Variants in TTC17 observed in about 807,000 individuals in gnomAD.
The protein encoded by TTC17 is tetratricopeptide repeat protein 17.
Under a neutral mutation model 143.8 loss-of-function variants are expected in TTC17, and 58 were observed. The observed-to-expected ratio is 0.40, with a 90% CI of 0.33 to 0.50. TTC17 has a LOEUF of 0.50. Among genes scored for constraint, TTC17 ranks in the 20% least tolerant of loss-of-function variants. The pLI, the probability that TTC17 is intolerant of heterozygous loss-of-function variation, is 0.49. For missense variants in TTC17, 1,273 were observed against 1,392.5 expected (o/e 0.91, Z 1.37); for synonymous variants, 501 against 497.8 (o/e 1.01, Z -0.09).
At chr11:43,490,573 G>A (rs558466614) in intron 22 of TTC17, 2 of 534,046 alleles carry the variant, frequency 3.7e-6, no homozygotes, top group East Asian at 3.7e-5. Flanking sequence ...TTGGAACGTG[G>A]GGAAGGCCTT....
chr11:43,415,582 G>A (rs551989736), intron 16 of TTC17, among the ~76,000 whole-genome samples: 1 of 152,210 alleles, frequency 6.6e-6, no homozygotes, highest in East Asian at 1.9e-4. Flanking sequence ...ATGGATATTA[G>A]TTCAGCTCCT....
chr11:43,369,344 G>A (rs1856474240), intron 1 of TTC17, among the ~76,000 whole-genome samples: 1 of 152,152 alleles, frequency 6.6e-6, no homozygotes, highest in Non-Finnish European at 1.5e-5. Flanking sequence ...TTCAAATCTA[G>A]ATAACAACTG....
chr11:43,466,776 G>A, intron 21 of TTC17: 1 of 315,156 alleles, frequency 3.2e-6, no homozygotes, highest in Non-Finnish European at 6.3e-6. Flanking sequence ...CTTTGGCAGG[G>A]TGAAAGAGGG....
chr11:43,452,087 G>T (rs537311425), intron 21 of TTC17, among the ~76,000 whole-genome samples: 90 of 152,318 alleles, frequency 5.9e-4, no homozygotes, highest in Non-Finnish European at 1.1e-3. Flanking sequence ...TTCAGGCAGG[G>T]TTAGCAATTT....
At chr11:43,464,659 A>G (rs1947937087) in intron 21 of TTC17, among the ~76,000 whole-genome samples, 1 of 152,198 alleles carries the variant, frequency 6.6e-6, no homozygotes, top group Non-Finnish European at 1.5e-5. Context: ...ATGCAGCAGA[A>G]AAGAAAATGA....
At chr11:43,374,248 C>G (rs949321902) in intron 1 of TTC17, among the ~76,000 whole-genome samples, 4 of 152,112 alleles carry the variant, frequency 2.6e-5, no homozygotes, top group Non-Finnish European at 5.9e-5. Flanking sequence ...TATATCCCTA[C>G]CTTTTACCAT....
intron 19 of TTC17, among the ~76,000 whole-genome samples, chr11:43,448,381 T>C (rs1292574942): frequency 6.6e-6 from 1 of 152,190 alleles, no homozygotes; most frequent in East Asian, 1.9e-4. Context: ...TTAGTTTGAA[T>C]TGAAGACTGG....
chr11:43,457,128 G>T (rs1947778859), intron 21 of TTC17, among the ~76,000 whole-genome samples: 1 of 152,082 alleles, frequency 6.6e-6, no homozygotes, highest in African/African-American at 2.4e-5. Context: ...CTGTTCCTCA[G>T]TTGTGGCACT....
chr11:43,440,488 A>G (rs951342571), intron 16 of TTC17, among the ~76,000 whole-genome samples: 2 of 152,160 alleles, frequency 1.3e-5, no homozygotes, highest in Admixed American at 6.5e-5. Flanking sequence ...AGCCTATCCT[A>G]TTACTAATTT....
In TTC17 at chr11:43,405,820, G is replaced by A; in HGVS notation, c.1630G>A (p.Glu544Lys). ...ACTCAGCAGTGATGATTATTCTACA[G>A]AAGAAGAGGCCCAAACCCCTGACTG... ...HELSSDDYST[E>K]EEAQTPDCSI... Residue 544 changes from glutamate to lysine, a missense_variant, in exon 13 of 24, where the codon GAA becomes AAA. By Grantham distance (56) the Glu-to-Lys change is moderately conservative. Transcript: ENST00000039989. 5 of 1,613,952 alleles carry A rather than the reference G, an allele frequency of 3.1e-6. No homozygotes were observed. Among genetic ancestry groups the A allele is most frequent in the Non-Finnish European group, 4.2e-6 (5 of 1,179,890 alleles).
At chr11:43,493,050 C>T (rs1488131333) in intron 23 of TTC17, among the ~76,000 whole-genome samples, 1 of 152,202 alleles carries the variant, frequency 6.6e-6, no homozygotes, top group Non-Finnish European at 1.5e-5. Context: ...GCAGATTTCC[C>T]TCTGCTTCTT....
Position 43,412,483 on chromosome 11 carries a change from G to A in TTC17, c.2065-2107G>A, listed in dbSNP as rs550359017. On this transcript the variant is annotated intron_variant, in intron 15 of 23. Transcript: ENST00000039989. The stretch of plus-strand genomic sequence containing the variant: ...AAAAAAGGAAATAAAGAAAACATCA[G>A]ATTTCTAAGAATAAACCTAAAAGAA... Among the ~76,000 whole-genome samples, 9 of 152,140 alleles carry A rather than the reference G, an allele frequency of 5.9e-5. No homozygotes were observed. In the South Asian group the frequency reaches 1.7e-3, roughly 28 times the overall value.
chr11:43,386,439 G>A (rs907033549), intron 2 of TTC17, among the ~76,000 whole-genome samples: 1 of 152,094 alleles, frequency 6.6e-6, no homozygotes, highest in African/African-American at 2.4e-5. Flanking sequence ...GCATAAAAAA[G>A]GTACAGTAAA....
intron 16 of TTC17, among the ~76,000 whole-genome samples, chr11:43,416,147 G>T (rs1946773375): frequency 6.6e-6 from 1 of 152,054 alleles, no homozygotes; most frequent in African/African-American, 2.4e-5. Context: ...CTTAATCCTG[G>T]AAGATATGCT....
chr11:43,480,178 T>TTCAC (rs1211824031), intron 21 of TTC17, among the ~76,000 whole-genome samples: 2 of 152,236 alleles, frequency 1.3e-5, no homozygotes, highest in African/African-American at 4.8e-5. Flanking sequence ...CATGTATTCA[T>TTCAC]TCACTCATTC....
At chr11:43,492,663 C>T (rs1369637132) in intron 23 of TTC17, among the ~76,000 whole-genome samples, 3 of 152,206 alleles carry the variant, frequency 2.0e-5, no homozygotes, top group Admixed American at 2.0e-4. Flanking sequence ...CTCCCTGTTC[C>T]CAGTGCCTCA....
chr11:43,423,986 TTAGA>T (rs1464250527), intron 16 of TTC17, among the ~76,000 whole-genome samples: 3 of 152,214 alleles, frequency 2.0e-5, no homozygotes, highest in African/African-American at 4.8e-5. Flanking sequence ...TTTAGAGCTA[TTAGA>T]TATAGTTTCT....
chr11:43,417,084 T>C (rs1238368549), intron 16 of TTC17, among the ~76,000 whole-genome samples: 2 of 152,236 alleles, frequency 1.3e-5, no homozygotes, highest in South Asian at 2.1e-4. Flanking sequence ...AATTTCAATA[T>C]TGTGTTTTTC....
At chr11:43,410,850 G>A (rs1858377770) in intron 15 of TTC17, among the ~76,000 whole-genome samples, 1 of 152,132 alleles carries the variant, frequency 6.6e-6, no homozygotes, top group African/African-American at 2.4e-5. Flanking sequence ...CCTTTCTCCT[G>A]TTCTCAGGGA....
Sources: allele counts gnomAD v4.1 joint callset (sites outside exome capture counted in the v4.1 genomes callset), GRCh38; gene constraint gnomAD v4.1.1; transcripts MANE v1.5; gene names NCBI Gene and HGNC (gene_info 2026-07-23, HGNC 2026-07-21).